DNAJC13: variants seen among roughly 807,000 people sequenced by gnomAD.
The protein encoded by DNAJC13 is DnaJ heat shock protein family (Hsp40) member C13, also known as dnaJ homolog subfamily C member 13.
Under a neutral mutation model 290.5 loss-of-function variants are expected in DNAJC13, and 75 were observed. That is an observed-to-expected ratio of 0.26 (90% CI 0.21 to 0.31). The LOEUF (loss-of-function observed/expected upper bound fraction) is 0.31, where lower values mean the gene tolerates loss of function less well. Ranked by LOEUF, DNAJC13 falls within the 10% of genes least tolerant of loss-of-function variation. DNAJC13 has a pLI of 1.00. For missense variants in DNAJC13, 2,260 were observed against 2,674.5 expected, an observed-to-expected ratio of 0.85 and a Z score of 3.42; for synonymous variants, 862 against 892.0, an observed-to-expected ratio of 0.97 and a Z score of 0.60.
At chr3:132,477,739 C>A in intron 22 of DNAJC13, 50 bp from the exon 23 acceptor site, 1 of 1,412,874 alleles carries the variant, frequency 7.1e-7, no homozygotes, top group Non-Finnish European at 9.7e-7. Flanking sequence ...TTAGAAATTG[C>A]CAAAATCTAT....
chr3:132,450,684 G>A lies in DNAJC13; in HGVS notation c.374G>A (p.Arg125Lys). The change falls in exon 6 of 56, where the codon AGA (arginine) becomes AAA (lysine). Residue 125 changes from arginine (R) to lysine (K), a missense_variant. Transcript: ENST00000260818. ...TATAAGCATCACTGGAGTGACTCAA[G>A]AAAACCTGTAATTTTGGAAGTAACT... Reference protein sequence around the residue: ...NCYKHHWSDSRKPVILEVTPG... With the variant: ...NCYKHHWSDSKKPVILEVTPG... 6.2e-7 allele frequency: 1 copy of A among 1,613,132 alleles called. No homozygotes were observed. Among genetic ancestry groups the A allele is most frequent in the Non-Finnish European group, 8.5e-7 (1 of 1,179,428 alleles).
intron 2 of DNAJC13, among the ~76,000 whole-genome samples, chr3:132,436,303 A>G (rs1207634532): frequency 6.6e-6 from 1 of 152,204 alleles, no homozygotes; most frequent in East Asian, 1.9e-4. Flanking sequence ...AAATAGAATG[A>G]TACAAAATGC....
chr3:132,458,607 CTA>C (rs1264219972), intron 13 of DNAJC13, among the ~76,000 whole-genome samples: 1 of 152,062 alleles, frequency 6.6e-6, no homozygotes, highest in South Asian at 2.1e-4. Context: ...TTTAGGTGCT[CTA>C]TGTCAGGAGC....
At chr3:132,513,264 T>A (rs995336048) in intron 45 of DNAJC13, among the ~76,000 whole-genome samples, 165 bp downstream of exon 45, 1 of 152,204 alleles carries the variant, frequency 6.6e-6, no homozygotes, top group Admixed American at 6.6e-5. Flanking sequence ...ACATGCTCAA[T>A]TTGAAGAGTG....
In DNAJC13 at chr3:132,511,169, G is replaced by C. The variant is rs142160751; in HGVS notation, c.5218G>C (p.Glu1740Gln). The C allele has an allele frequency of 1.7e-3, 2,785 of 1,613,818 alleles. 8 individuals are homozygous for C. Among genetic ancestry groups the C allele is most frequent in the Non-Finnish European group, 2.0e-3 (2,388 of 1,179,928 alleles). The change falls in exon 44 of 56, where the codon GAG becomes CAG. Residue 1740 changes from glutamate (E) to glutamine (Q), a missense_variant. Glu to Gln is a conservative substitution (Grantham distance 29). Coordinates refer to ENST00000260818, the MANE Select transcript of DNAJC13 (RefSeq NM_015268.4). ...AITHAAKVES[E>Q]QHGDRLPRVE... ...CACACACGCGGCAAAAGTGGAGTCA[G>C]AGCAACATGGAGATCGCTTACCGAG...
At chr3:132,432,215 T>G (rs1054408287) in intron 1 of DNAJC13, among the ~76,000 whole-genome samples, 11 of 151,584 alleles carry the variant, frequency 7.3e-5, no homozygotes, top group South Asian at 2.1e-4. Context: ...TTTGTTTTTT[T>G]GGGGGGGGAC....
At position 132,530,936 on chromosome 3, in the gene DNAJC13, T is replaced by C; in HGVS notation, c.6526-62T>C. On this transcript the variant is annotated intron_variant, in intron 54 of 55. Coordinates refer to ENST00000260818, the MANE Select transcript of DNAJC13 (RefSeq NM_015268.4). ...TTGTTGCTTTGGAAGTTGGTTTTTC[T>C]TTTTGTCTTCCAACATCCAGTCCTT... 2.7e-6 allele frequency: 4 copies of C among 1,489,666 alleles called. No individual in the cohort carries two copies. In the South Asian group the frequency reaches 3.5e-5, roughly 13 times the overall value. 92.3% of individuals were successfully genotyped at this position (1,489,666 alleles called of 1,614,324 possible). A position where few individuals can be genotyped will look rare whatever the true frequency, so the allele number is the denominator to read the frequency against.
At position 132,523,210 on chromosome 3, in the gene DNAJC13, C is replaced by G; in HGVS notation, c.5886+11C>G. 6.2e-7 allele frequency: 1 copy of G among 1,612,826 alleles called. No homozygotes were observed. The highest frequency in any genetic ancestry group is 8.5e-7 in the Non-Finnish European group (1 of 1,179,040). ...GAGGCAAACTGGAAGGTAAAATATA[C>G]TTTTATTTTACATCTTATTTTCTGT... On this transcript the variant is annotated intron_variant, in intron 50 of 55. Transcript: ENST00000260818.
chr3:132,514,527 A>G (rs1208763506), intron 45 of DNAJC13, 44 bp from the exon 46 acceptor site: 1 of 1,472,816 alleles, frequency 6.8e-7, no homozygotes, highest in African/African-American at 1.4e-5. Flanking sequence ...TTTAGGTTCA[A>G]AATTATTTCT....
chr3:132,483,652 T>C, intron 28 of DNAJC13, 75 bp downstream of exon 28: 1 of 1,450,784 alleles, frequency 6.9e-7, no homozygotes, highest in South Asian at 1.2e-5. Flanking sequence ...GTCTGGTGTT[T>C]TAAAACAAAG....
chr3:132,464,156 G>C (rs1933901000), intron 17 of DNAJC13, among the ~76,000 whole-genome samples: 1 of 152,130 alleles, frequency 6.6e-6, no homozygotes, highest in South Asian at 2.1e-4. Flanking sequence ...TGACCATCTT[G>C]CATGCACATG....
rs577789496 is a variant in DNAJC13 at position 132,495,068 on chromosome 3, A to T, written c.3942-20A>T. 6.2e-7 allele frequency: 1 copy of T among 1,600,490 alleles called. No individual in the cohort carries two copies. The highest frequency in any genetic ancestry group is 1.7e-5 in the Admixed American group (1 of 59,630). ...TCTTGTGCCTTACTATACTCATAAA[A>T]CAATTTTCCTGTTTAACAGGCATGA... On this transcript the variant is annotated intron_variant, in intron 34 of 55. Coordinates refer to ENST00000260818, the MANE Select transcript of DNAJC13 (RefSeq NM_015268.4).
chr3:132,457,378 A>G lies in DNAJC13; in HGVS notation c.1449+10A>G, dbSNP rs1456126279. ...TTGTGCCCTTATGTGTGTAAGTAGTAGTTTTCTTAAGGAAACTGGTTTTTC... is the reference window on the plus strand; with the variant it reads ...TTGTGCCCTTATGTGTGTAAGTAGTGGTTTTCTTAAGGAAACTGGTTTTTC... On this transcript the variant is annotated intron_variant, in intron 13 of 55. Coordinates refer to ENST00000260818, the MANE Select transcript of DNAJC13 (RefSeq NM_015268.4). The G allele has an allele frequency of 4.4e-6, 7 of 1,605,240 alleles. No homozygotes were observed. Among genetic ancestry groups the G allele is most frequent in the Non-Finnish European group, 6.0e-6 (7 of 1,175,756 alleles).
chr3:132,531,335 G>T (rs1936408483), intron 55 of DNAJC13, among the ~76,000 whole-genome samples: 1 of 152,200 alleles, frequency 6.6e-6, no homozygotes, highest in South Asian at 2.1e-4. Flanking sequence ...TTTTGATCCA[G>T]TTAATTGGGT....
At chr3:132,530,660 GCC>G (rs1936389159) in intron 54 of DNAJC13, among the ~76,000 whole-genome samples, 2 of 152,174 alleles carry the variant, frequency 1.3e-5, no homozygotes, top group Non-Finnish European at 2.9e-5. Context: ...TAGCTCATCA[GCC>G]CATACACTGT....
intron 4 of DNAJC13, among the ~76,000 whole-genome samples, chr3:132,447,697 A>C (rs979743049): frequency 6.6e-6 from 1 of 152,146 alleles, no homozygotes; most frequent in African/African-American, 2.4e-5. Context: ...CATATGCAGG[A>C]GAAAGCATTG....
chr3:132,440,091 C>A (rs1933006191), intron 2 of DNAJC13, among the ~76,000 whole-genome samples: 1 of 152,196 alleles, frequency 6.6e-6, no homozygotes, highest in Non-Finnish European at 1.5e-5. Context: ...AATCCCATCT[C>A]TACTAAAAAC....
chr3:132,503,846 A>G (rs7651466), intron 41 of DNAJC13, among the ~76,000 whole-genome samples: 2,026 of 152,304 alleles, frequency 0.013, 35 homozygotes, highest in African/African-American at 0.047. Flanking sequence ...AAAAATCAGT[A>G]TGACATGATA....
chr3:132,483,689 T>A, intron 28 of DNAJC13, 112 bp downstream of exon 28: 1 of 1,102,456 alleles, frequency 9.1e-7, no homozygotes, highest in Middle Eastern at 2.5e-4. Context: ...CTTGGAGGAA[T>A]GCTGTTTTGA....
Sources: gnomAD v4.1 joint callset for allele counts (sites outside exome capture counted in the v4.1 genomes callset) on GRCh38, gnomAD v4.1.1 for gene constraint, MANE v1.5 for transcripts, NCBI Gene and HGNC (gene_info 2026-07-23, HGNC 2026-07-21) for gene names.